Variants in NRG3 observed in about 807,000 individuals in gnomAD.
The protein encoded by NRG3 is neuregulin 3.
NRG3 carries 31 observed loss-of-function variants against 66.9 expected under a neutral mutation model. The ratio of observed to expected loss-of-function variants is 0.46; its 90% CI spans 0.35 to 0.63. NRG3 has a LOEUF of 0.63. Ranked by LOEUF, NRG3 falls within the 20% of genes least tolerant of loss-of-function variation. NRG3 has a pLI of 0.00. For missense variants in NRG3, 910 were observed against 878.9 expected (o/e 1.04, Z -0.45); for synonymous variants, 393 against 359.4 (o/e 1.09, Z -1.06).
intron 2 of NRG3, among the ~76,000 whole-genome samples, chr10:82,407,347 G>A (rs1029441647): frequency 4.6e-5 from 7 of 152,050 alleles, no homozygotes; most frequent in South Asian, 2.1e-4. Flanking sequence ...TAAACCATGG[G>A]TGGGATACAG....
In NRG3 at chr10:82,552,473, T is replaced by G. The variant is rs1335522554; in HGVS notation, c.954-186104T>G. On this transcript the variant is annotated intron_variant, in intron 2 of 8. Transcript: ENST00000372141. ...TATTTTCTATTTAAAAAATGCTGACTAATGTGTATTGACTGATAACTTTTT... is the reference window on the plus strand; with the variant it reads ...TATTTTCTATTTAAAAAATGCTGACGAATGTGTATTGACTGATAACTTTTT... Among the ~76,000 whole-genome samples the G allele has an allele frequency of 2.0e-5, 3 of 152,218 alleles. No homozygotes were observed. The East Asian group carries it at 5.8e-4, about 29-fold the overall frequency.
chr10:82,756,888 A>G (rs1390414078), intron 3 of NRG3, among the ~76,000 whole-genome samples: 2 of 152,010 alleles, frequency 1.3e-5, no homozygotes, highest in African/African-American at 4.8e-5. Context: ...AAGGTCATTA[A>G]TACAAAAGCA....
intron 1 of NRG3, among the ~76,000 whole-genome samples, chr10:81,957,523 A>C (rs1002053857): frequency 7.2e-5 from 11 of 152,280 alleles, no homozygotes; most frequent in African/African-American, 2.6e-4. Flanking sequence ...ACTGTCTGAA[A>C]TATTCTTATG....
intron 2 of NRG3, among the ~76,000 whole-genome samples, chr10:82,449,423 T>C (rs970025698): frequency 5.3e-5 from 8 of 152,246 alleles, no homozygotes; most frequent in Non-Finnish European, 1.0e-4. Context: ...GAATGAAAGA[T>C]AGAACTCATT....
intron 2 of NRG3, among the ~76,000 whole-genome samples, chr10:82,395,455 G>C (rs953896252): frequency 1.3e-5 from 2 of 152,252 alleles, no homozygotes; most frequent in Admixed American, 1.3e-4. Flanking sequence ...TTAGTAGACT[G>C]TCCATATGTC....
chr10:82,175,454 ATAC>A, intron 1 of NRG3, among the ~76,000 whole-genome samples: 1 of 152,218 alleles, frequency 6.6e-6, no homozygotes, highest in Admixed American at 6.6e-5. Flanking sequence ...CATCCAGACT[ATAC>A]TTTCCTCTAA....
chr10:82,152,359 T>C (rs1353662189), intron 1 of NRG3, among the ~76,000 whole-genome samples: 1 of 152,204 alleles, frequency 6.6e-6, no homozygotes, highest in Non-Finnish European at 1.5e-5. Context: ...ATCCATATGC[T>C]ACATCTGACA....
intron 1 of NRG3, among the ~76,000 whole-genome samples, chr10:81,999,335 T>C (rs1156300161): frequency 2.6e-5 from 4 of 152,200 alleles, no homozygotes; most frequent in Admixed American, 1.3e-4. Flanking sequence ...CTAAAACTTA[T>C]CCCAAAATCA....
intron 1 of NRG3, among the ~76,000 whole-genome samples, chr10:82,347,877 C>T: frequency 6.6e-6 from 1 of 151,888 alleles, no homozygotes; most frequent in East Asian, 1.9e-4. Context: ...TTATCAGAGA[C>T]TAGGATTGCA....
chr10:81,876,599 G>A (rs1341472318), intron 1 of NRG3, among the ~76,000 whole-genome samples: 1 of 152,232 alleles, frequency 6.6e-6, no homozygotes, highest in Non-Finnish European at 1.5e-5. Context: ...AGAAAGCAAA[G>A]CACATGCAAA....
At chr10:82,836,863 G>A (rs1218252584) in intron 3 of NRG3, among the ~76,000 whole-genome samples, 3 of 150,734 alleles carry the variant, frequency 2.0e-5, no homozygotes, top group Admixed American at 6.7e-5. Flanking sequence ...TTTAACATTA[G>A]GTATATCTCC....
intron 2 of NRG3, among the ~76,000 whole-genome samples, chr10:82,690,608 A>G (rs1055432171): frequency 2.9e-4 from 44 of 152,344 alleles, no homozygotes; most frequent in African/African-American, 1.1e-3. Flanking sequence ...GTATAAAAAC[A>G]GAAAATGCAA....
At chr10:82,953,706 T>TCATG (rs1377082582) in intron 5 of NRG3, among the ~76,000 whole-genome samples, 1 of 151,908 alleles carries the variant, frequency 6.6e-6, no homozygotes, top group African/African-American at 2.4e-5. Flanking sequence ...ACGCGGTGAC[T>TCATG]CATGCCTGTA....
intron 3 of NRG3, among the ~76,000 whole-genome samples, chr10:82,762,348 A>G (rs367930795): frequency 2.0e-5 from 3 of 152,304 alleles, no homozygotes; most frequent in East Asian, 1.9e-4. Flanking sequence ...CAAGAATTAT[A>G]AAATTAAATT....
intron 2 of NRG3, among the ~76,000 whole-genome samples, chr10:82,578,760 C>A (rs2133192103): frequency 6.6e-6 from 1 of 151,860 alleles, no homozygotes; most frequent in African/African-American, 2.4e-5. Flanking sequence ...CTTTGCTTAA[C>A]TTAGAAAATC....
intron 1 of NRG3, among the ~76,000 whole-genome samples, chr10:82,104,267 T>C (rs1042772598): frequency 6.6e-6 from 1 of 152,154 alleles, no homozygotes. Context: ...ATTAAACTTA[T>C]AAATTAAAGA....
chr10:82,834,569 A>C (rs1327567408), intron 3 of NRG3, among the ~76,000 whole-genome samples: 2 of 152,182 alleles, frequency 1.3e-5, no homozygotes, highest in East Asian at 3.9e-4. Flanking sequence ...AAAAAGGAAA[A>C]GTTATGAGAG....
intron 4 of NRG3, among the ~76,000 whole-genome samples, chr10:82,873,568 A>G (rs886885485): frequency 2.6e-5 from 4 of 152,212 alleles, no homozygotes. Context: ...AGGATTTCTT[A>G]TCTAACAAAT....
intron 1 of NRG3, among the ~76,000 whole-genome samples, chr10:81,956,882 C>G (rs1161805464): frequency 6.6e-6 from 1 of 152,168 alleles, no homozygotes; most frequent in African/African-American, 2.4e-5. Context: ...TTCTACCACT[C>G]TCCTCCAGAC....
Sources: gnomAD v4.1 joint callset for allele counts (sites outside exome capture counted in the v4.1 genomes callset) on GRCh38, gnomAD v4.1.1 for gene constraint, MANE v1.5 for transcripts, NCBI Gene and HGNC (gene_info 2026-07-23, HGNC 2026-07-21) for gene names.